SDK2: variants seen among roughly 807,000 people sequenced by gnomAD.
The protein encoded by SDK2 is protein sidekick-2.
Under a neutral mutation model 253.9 loss-of-function variants are expected in SDK2, and 105 were observed. That is an observed-to-expected ratio of 0.41 (90% CI 0.35 to 0.49). The LOEUF (loss-of-function observed/expected upper bound fraction) is 0.49. Ranked by LOEUF, SDK2 falls within the 20% of genes least tolerant of loss-of-function variation. The pLI, the probability that SDK2 is intolerant of heterozygous loss-of-function variation, is 0.06. For synonymous variants in SDK2, 1,249 were observed against 1,234.9 expected, an observed-to-expected ratio of 1.01 and a Z score of -0.24; for missense variants, 2,608 against 3,003.0, an observed-to-expected ratio of 0.87 and a Z score of 3.07.
In SDK2 at chr17:73,435,737, G is replaced by T; in HGVS notation, c.1001-93C>A. The T allele has an allele frequency of 8.6e-7, 1 of 1,169,250 alleles. No homozygotes were observed. Among genetic ancestry groups the T allele is most frequent in the Non-Finnish European group, 1.2e-6 (1 of 846,046 alleles). 72.4% of individuals were successfully genotyped at this position (1,169,250 alleles called of 1,614,324 possible). On this transcript the variant is annotated intron_variant, in intron 8 of 44. Transcript: ENST00000392650. This position sits in a 1 kb window ranked among gnomAD's most constrained non-coding sequence, Gnocchi z 5.7. ...GGGAGGAGGCCGGGCCCGGAAATCT[G>T]CGAGGGGGTCCCTGGTGAATCTTGG...
At chr17:73,470,541 G>A (rs890836648) in intron 3 of SDK2, among the ~76,000 whole-genome samples, 4 of 152,194 alleles carry the variant, frequency 2.6e-5, no homozygotes, top group Admixed American at 1.3e-4. Context: ...CCCTCCAGCC[G>A]CTGACAGCTG....
chr17:73,350,606 T>C (rs369215097), intron 42 of SDK2, 44 bp downstream of exon 42: 14 of 1,584,848 alleles, frequency 8.8e-6, no homozygotes, highest in Admixed American at 5.4e-5. Flanking sequence ...AGGAGATACA[T>C]AAAACTCAAG....
chr17:73,520,975 AGTGGTGGTT>A (rs1042876364), intron 1 of SDK2: 3 of 151,514 alleles, frequency 2.0e-5, no homozygotes, highest in African/African-American at 7.3e-5. Flanking sequence ...TCTGGAACTC[AGTGGTGGTT>A]GTACATCATT....
chr17:73,419,046 A>T, intron 16 of SDK2, 120 bp downstream of exon 16: 1 of 1,109,488 alleles, frequency 9.0e-7, no homozygotes, highest in Non-Finnish European at 1.3e-6. Context: ...CTTGTTACCT[A>T]GTCCTTCCTA....
intron 18 of SDK2, among the ~76,000 whole-genome samples, chr17:73,412,035 CGT>C (rs1568389259): frequency 4.9e-3 from 12 of 2,446 alleles, no homozygotes; most frequent in South Asian, 0.016. Context: ...TGTATATATA[CGT>C]ATATATATGT....
In SDK2 at chr17:73,388,056, G is replaced by A; in HGVS notation, c.4193-19C>T. Reference sequence around the variant, plus strand: ...GGACGGTCTGGGAGGTGGCAGAGGGGGAGGAGCAGGTGAGTGGGCCAGGCC... The same window carrying A: ...GGACGGTCTGGGAGGTGGCAGAGGGAGAGGAGCAGGTGAGTGGGCCAGGCC... On this transcript the variant is annotated intron_variant, in intron 29 of 44. Coordinates refer to ENST00000392650, the MANE Select transcript of SDK2 (RefSeq NM_001144952.2). 1.9e-6 allele frequency: 3 copies of A among 1,551,350 alleles called. No homozygotes were observed. The highest frequency in any genetic ancestry group is 1.9e-5 in the Admixed American group (1 of 51,716).
intron 1 of SDK2, among the ~76,000 whole-genome samples, chr17:73,595,320 G>A (rs1200192732): frequency 6.6e-6 from 1 of 152,176 alleles, no homozygotes. Flanking sequence ...GGTGGCCACA[G>A]GTAATGAATG....
intron 16 of SDK2, among the ~76,000 whole-genome samples, chr17:73,418,683 C>T (rs1034159542): frequency 2.0e-5 from 3 of 152,160 alleles, no homozygotes; most frequent in African/African-American, 7.2e-5. Flanking sequence ...ATTTAGGTTA[C>T]TAGAAGAGTA....
rs979967669 is a variant in SDK2 at position 73,511,066 on chromosome 17, G to A, written c.65-3469C>T. 7.2e-5 allele frequency among the ~76,000 whole-genome samples: 11 copies of A among 152,270 alleles called. No individual in the cohort carries two copies. Among genetic ancestry groups the A allele is most frequent in the African/African-American group, 2.2e-4 (9 of 41,556 alleles). ...GAAAAGGACCCACTGCCCGCCGCCCGGCTGGCAGCAGCCAGCTCTGCTCTC... is the reference window on the plus strand; with the variant it reads ...GAAAAGGACCCACTGCCCGCCGCCCAGCTGGCAGCAGCCAGCTCTGCTCTC... On this transcript the variant is annotated intron_variant, in intron 1 of 44. Coordinates refer to ENST00000392650, the MANE Select transcript of SDK2 (RefSeq NM_001144952.2). This position sits in a 1 kb window ranked among gnomAD's most constrained non-coding sequence, Gnocchi z 4.9.
rs146523244 is a variant in SDK2, at chr17:73,363,144, C to T, written c.5306-1299G>A. Among the ~76,000 whole-genome samples, 583 of 152,286 alleles carry T rather than the reference C, an allele frequency of 3.8e-3. 4 individuals are homozygous for T. Among genetic ancestry groups the T allele is most frequent in the African/African-American group, 0.014 (566 of 41,556 alleles). On this transcript the variant is annotated intron_variant, in intron 38 of 44. Transcript: ENST00000392650. ...TGTTGCCCAGGCTGGAGTGCAATGGCGCGATCTCAGCTCACTGAAACCTCC... is the reference window on the plus strand; with the variant it reads ...TGTTGCCCAGGCTGGAGTGCAATGGTGCGATCTCAGCTCACTGAAACCTCC...
chr17:73,513,761 CGG>C (rs2064000370), intron 1 of SDK2: 1 of 152,174 alleles, frequency 6.6e-6, no homozygotes, highest in Non-Finnish European at 1.5e-5. Context: ...GTGCAGCAGA[CGG>C]CGCCTGAGCG....
chr17:73,393,565 T>C lies in SDK2; in HGVS notation c.3893A>G (p.Asp1298Gly), dbSNP rs1196752497. Reference sequence around the variant, plus strand: ...TTGCTGGGATACGGACTCACCATCATCCAGCGTCCGCTCCAGGATGGGAGG... The same window carrying C: ...TTGCTGGGATACGGACTCACCATCACCCAGCGTCCGCTCCAGGATGGGAGG... The part of the protein sequence containing the change: ...SHPPILERTL[D>G]DVPGPPMGIL... The change falls in exon 27 of 45, where the codon GAT (aspartate) becomes GGT (glycine). Residue 1298 changes from aspartate (D) to glycine (G), a missense_variant. Asp to Gly is a moderately conservative substitution (Grantham distance 94, BLOSUM62 -1). Coordinates refer to ENST00000392650, the MANE Select transcript of SDK2 (RefSeq NM_001144952.2). The C allele has an allele frequency of 6.4e-7, 1 of 1,558,438 alleles. No individual in the cohort carries two copies. The highest frequency in any genetic ancestry group is 8.7e-7 in the Non-Finnish European group (1 of 1,143,842).
At chr17:73,400,737 T>C (rs1338606166) in intron 21 of SDK2, among the ~76,000 whole-genome samples, 1 of 150,830 alleles carries the variant, frequency 6.6e-6, no homozygotes, top group Non-Finnish European at 1.5e-5. Context: ...CGCTGCAACC[T>C]CTACCTCCTG....
intron 18 of SDK2, 86 bp downstream of exon 18, chr17:73,414,558 T>A: frequency 2.0e-6 from 2 of 1,009,180 alleles, no homozygotes; most frequent in Non-Finnish European, 3.1e-6. Flanking sequence ...AGAGGGGGGA[T>A]TTCCTCCTGC....
At chr17:73,535,209 C>T (rs1004219309) in intron 1 of SDK2, among the ~76,000 whole-genome samples, 3 of 152,182 alleles carry the variant, frequency 2.0e-5, no homozygotes, top group African/African-American at 7.2e-5. Flanking sequence ...GTACATTTCC[C>T]ATCCCACCTT....
chr17:73,418,424 C>T (rs7210591), intron 16 of SDK2, among the ~76,000 whole-genome samples: 106,956 of 152,062 alleles, frequency 0.7, 38,423 homozygotes, highest in Admixed American at 0.79. Flanking sequence ...AGGCTGATGC[C>T]ATGGGTGCTG....
chr17:73,381,617 A>G (rs892486202), intron 33 of SDK2, among the ~76,000 whole-genome samples: 4 of 152,206 alleles, frequency 2.6e-5, no homozygotes, highest in Non-Finnish European at 5.9e-5. Flanking sequence ...GCAGTGGCTC[A>G]TGCCTGTAAT....
intron 1 of SDK2, among the ~76,000 whole-genome samples, chr17:73,637,117 A>T (rs1254620938): frequency 6.6e-6 from 1 of 152,210 alleles, no homozygotes; most frequent in African/African-American, 2.4e-5. Context: ...CAAACAAGGA[A>T]GTAACAGCAC....
At chr17:73,409,933 T>A (rs559003660) in intron 18 of SDK2, among the ~76,000 whole-genome samples, 23 of 152,156 alleles carry the variant, frequency 1.5e-4, no homozygotes, top group Non-Finnish European at 2.8e-4. Context: ...CAGCTCACTG[T>A]AGCCTTGAAT....
Sources: allele counts gnomAD v4.1 joint callset (sites outside exome capture counted in the v4.1 genomes callset), GRCh38; gene constraint gnomAD v4.1.1; non-coding constraint Gnocchi (gnomAD v3.1); transcripts MANE v1.5; gene names NCBI Gene and HGNC (gene_info 2026-07-23, HGNC 2026-07-21).